CHRM3: variants seen among roughly 807,000 people sequenced by gnomAD.
CHRM3 encodes muscarinic acetylcholine receptor M3.
A neutral mutation model predicts 41.8 loss-of-function variants in CHRM3; 11 were observed. The ratio of observed to expected loss-of-function variants is 0.26; its 90% CI spans 0.17 to 0.44. CHRM3 has a LOEUF of 0.44. Among genes scored for constraint, CHRM3 ranks in the 20% least tolerant of loss-of-function variants. CHRM3 has a pLI of 1.00. For synonymous variants in CHRM3, 297 were observed against 301.4 expected (o/e 0.99, Z 0.15); for missense variants, 571 against 745.4 (o/e 0.77, Z 2.72).
At chr1:239,403,637 G>T (rs977988793) in intron 1 of CHRM3, among the ~76,000 whole-genome samples, 3 of 151,958 alleles carry the variant, frequency 2.0e-5, no homozygotes, top group Non-Finnish European at 4.4e-5. Flanking sequence ...AATTTCTAGT[G>T]GCCAGTAGTC....
intron 6 of CHRM3, among the ~76,000 whole-genome samples, chr1:239,899,549 T>G (rs1679332117): frequency 6.6e-6 from 1 of 151,196 alleles, no homozygotes; most frequent in Non-Finnish European, 1.5e-5. Context: ...AGCGGACCAA[T>G]TAGTGTGTGT....
chr1:239,480,262 G>A (rs907812662), intron 1 of CHRM3, among the ~76,000 whole-genome samples: 1 of 151,752 alleles, frequency 6.6e-6, no homozygotes, highest in Non-Finnish European at 1.5e-5. Context: ...CCTACATGGA[G>A]AAAAAAAATG....
At chr1:239,747,276 G>T (rs944894716) in intron 5 of CHRM3, among the ~76,000 whole-genome samples, 1 of 152,044 alleles carries the variant, frequency 6.6e-6, no homozygotes, top group African/African-American at 2.4e-5. Flanking sequence ...CCCACTATCT[G>T]CCAGGCATTG....
chr1:239,535,615 C>T (rs1386095224), intron 2 of CHRM3, among the ~76,000 whole-genome samples: 2 of 151,484 alleles, frequency 1.3e-5, no homozygotes, highest in African/African-American at 4.9e-5. Flanking sequence ...TTGTGTTGCT[C>T]TTGAGTTTTG....
chr1:239,496,533 G>GTA (rs1266211207), intron 2 of CHRM3, among the ~76,000 whole-genome samples: 47 of 145,706 alleles, frequency 3.2e-4, no homozygotes, highest in Admixed American at 9.4e-4. Flanking sequence ...GTGTGTGTGT[G>GTA]TGTGTGTGTG....
chr1:239,857,248 T>C (rs1457049059), intron 6 of CHRM3, among the ~76,000 whole-genome samples: 1 of 152,128 alleles, frequency 6.6e-6, no homozygotes, highest in Non-Finnish European at 1.5e-5. Flanking sequence ...TCTCAATATT[T>C]ATAAGGGAAA....
chr1:239,674,059 T>C (rs1040086048), intron 4 of CHRM3, among the ~76,000 whole-genome samples: 13 of 152,280 alleles, frequency 8.5e-5, no homozygotes, highest in African/African-American at 2.6e-4. Context: ...TATTCCAAAA[T>C]CTGAAAAAAT....
intron 3 of CHRM3, among the ~76,000 whole-genome samples, chr1:239,599,208 T>A (rs573850086): frequency 6.6e-6 from 1 of 152,280 alleles, no homozygotes; most frequent in Admixed American, 6.5e-5. Context: ...AATAAAACAA[T>A]GACTGTTTCA....
chr1:239,630,931 G>A (rs565556553), intron 3 of CHRM3, among the ~76,000 whole-genome samples: 1 of 152,250 alleles, frequency 6.6e-6, no homozygotes, highest in Admixed American at 6.5e-5. Context: ...GATCTTGGGA[G>A]AGGAGGAGTC....
intron 1 of CHRM3, among the ~76,000 whole-genome samples, chr1:239,436,967 C>A (rs1446470718): frequency 1.3e-5 from 2 of 151,978 alleles, no homozygotes; most frequent in African/African-American, 4.8e-5. Flanking sequence ...TAACTCCAGG[C>A]CAACACATGA....
intron 3 of CHRM3, among the ~76,000 whole-genome samples, chr1:239,592,227 A>C (rs767059981): frequency 6.6e-6 from 1 of 152,176 alleles, no homozygotes; most frequent in Non-Finnish European, 1.5e-5. Context: ...CTATATTTAA[A>C]ATTGAACTTT....
Position 239,911,935 on chromosome 1 carries a change from C to T in CHRM3, c.*2711C>T, listed in dbSNP as rs748785971. 1.2e-5 allele frequency: 2 copies of T among 166,990 alleles called. No homozygotes were observed. Among genetic ancestry groups the T allele is most frequent in the Non-Finnish European group, 2.9e-5 (2 of 68,108 alleles). 10.3% of individuals were successfully genotyped at this position (166,990 alleles called of 1,614,324 possible). A position where few individuals can be genotyped will look rare whatever the true frequency, so the allele number is the denominator to read the frequency against. Reference sequence around the variant, plus strand: ...TATTTATAATTGGACCTTAGTTACACGTGCATTTCTCAAAGGGCTTGTCAT... The same window carrying T: ...TATTTATAATTGGACCTTAGTTACATGTGCATTTCTCAAAGGGCTTGTCAT... On this transcript the variant is annotated 3_prime_UTR_variant, in exon 7 of 7. Coordinates refer to ENST00000676153, the MANE Select transcript of CHRM3 (RefSeq NM_001375978.1).
intron 3 of CHRM3, among the ~76,000 whole-genome samples, chr1:239,622,096 G>A (rs1040600735): frequency 6.6e-6 from 1 of 152,170 alleles, no homozygotes; most frequent in Non-Finnish European, 1.5e-5. Context: ...AAGCCTGGAT[G>A]ACAGTGCATC....
At chr1:239,610,652 A>G (rs943197502) in intron 3 of CHRM3, among the ~76,000 whole-genome samples, 16 of 152,208 alleles carry the variant, frequency 1.1e-4, no homozygotes, top group Non-Finnish European at 1.9e-4. Flanking sequence ...AAGGAAAGAC[A>G]CTTTCCCAAG....
chr1:239,818,046 C>G (rs1369470429), intron 5 of CHRM3, among the ~76,000 whole-genome samples: 2 of 152,150 alleles, frequency 1.3e-5, no homozygotes. Flanking sequence ...AACACCACAG[C>G]CTGGGCGGCT....
At chr1:239,594,359 G>A (rs1664546405) in intron 3 of CHRM3, among the ~76,000 whole-genome samples, 1 of 152,176 alleles carries the variant, frequency 6.6e-6, no homozygotes, top group Non-Finnish European at 1.5e-5. Flanking sequence ...AAGATGCACT[G>A]GCAAAGAATA....
intron 6 of CHRM3, among the ~76,000 whole-genome samples, chr1:239,830,314 C>G (rs1672791475): frequency 6.6e-6 from 1 of 152,208 alleles, no homozygotes; most frequent in African/African-American, 2.4e-5. Context: ...TCTCCACCCT[C>G]AGTCAAAATA....
At chr1:239,645,231 G>A (rs1335123842) in intron 4 of CHRM3, among the ~76,000 whole-genome samples, 2 of 152,210 alleles carry the variant, frequency 1.3e-5, no homozygotes, top group Non-Finnish European at 2.9e-5. Flanking sequence ...CTGAGGACTA[G>A]GGCCCCTGCC....
intron 5 of CHRM3, among the ~76,000 whole-genome samples, chr1:239,698,766 C>T (rs1660418195): frequency 6.6e-6 from 1 of 152,062 alleles, no homozygotes; most frequent in Non-Finnish European, 1.5e-5. Flanking sequence ...AACCATGTGT[C>T]CTCTGAGCTC....
Sources: gnomAD v4.1 joint callset for allele counts (sites outside exome capture counted in the v4.1 genomes callset) on GRCh38, gnomAD v4.1.1 for gene constraint, MANE v1.5 for transcripts, NCBI Gene and HGNC (gene_info 2026-07-23, HGNC 2026-07-21) for gene names.